Variants in SLC6A11 observed in about 807,000 individuals in gnomAD.
SLC6A11 encodes the protein sodium- and chloride-dependent GABA transporter 3.
A neutral mutation model predicts 74.8 loss-of-function variants in SLC6A11; 25 were observed. That is an observed-to-expected ratio of 0.33 (90% CI 0.24 to 0.47). SLC6A11 has a LOEUF of 0.47. Among genes scored for constraint, SLC6A11 ranks in the 20% least tolerant of loss-of-function variants. The pLI, the probability that SLC6A11 is intolerant of heterozygous loss-of-function variation, is 1.00. For missense variants in SLC6A11, 574 were observed against 837.0 expected, an observed-to-expected ratio of 0.69 and a Z score of 3.88; for synonymous variants, 330 against 330.2, an observed-to-expected ratio of 1.00 and a Z score of 0.01.
At chr3:10,826,662 T>C (rs1327480396) in intron 4 of SLC6A11, among the ~76,000 whole-genome samples, 1 of 152,210 alleles carries the variant, frequency 6.6e-6, no homozygotes, top group Non-Finnish European at 1.5e-5. Context: ...CCTCAGTTAA[T>C]ATTTATAAAC....
rs372438640 is a variant in SLC6A11 at position 10,895,354 on chromosome 3, CTTATT to C, written c.892-16729_892-16725del. Among the ~76,000 whole-genome samples, 827 of 151,714 alleles carry C rather than the reference CTTATT, an allele frequency of 5.5e-3. 8 individuals carry two copies. The highest frequency in any genetic ancestry group is 0.016 in the African/African-American group (649 of 41,364). ...GAACTTGGTACTTTTTTTTTCTAAT[CTTATT>C]TTATTTAAGTTACAGGATATATGTG... On this transcript the variant is annotated intron_variant, in intron 6 of 13. Transcript: ENST00000254488.
intron 6 of SLC6A11, among the ~76,000 whole-genome samples, chr3:10,888,965 G>A (rs910763149): frequency 7.9e-5 from 12 of 152,182 alleles, no homozygotes; most frequent in African/African-American, 2.2e-4. Context: ...TGGGGTGGAG[G>A]TTGGGTGGGG....
At chr3:10,917,923 A>G (rs139269487) in intron 7 of SLC6A11, among the ~76,000 whole-genome samples, 1 of 152,022 alleles carries the variant, frequency 6.6e-6, no homozygotes, top group South Asian at 2.1e-4. Flanking sequence ...AGAAGCCCCC[A>G]TTTCTCCCAT....
intron 4 of SLC6A11, among the ~76,000 whole-genome samples, chr3:10,839,529 C>T (rs1021039155): frequency 1.3e-5 from 2 of 152,220 alleles, no homozygotes; most frequent in South Asian, 2.1e-4. Flanking sequence ...TCTGCCCACT[C>T]CTTCCCTGCT....
Position 10,870,291 on chromosome 3 carries a change from C to A in SLC6A11, c.757-4670C>A, listed in dbSNP as rs73812306. Among the ~76,000 whole-genome samples the A allele has an allele frequency of 7.4e-3, 1,128 of 152,316 alleles. 15 individuals are homozygous for A. The highest frequency in any genetic ancestry group is 0.026 in the African/African-American group (1,079 of 41,566). ...TGTGCATAAATTCCTTCCTCAAGGACTAGACCTAGGTCTTACCATTCTGTT... is the reference window on the plus strand; with the variant it reads ...TGTGCATAAATTCCTTCCTCAAGGAATAGACCTAGGTCTTACCATTCTGTT... On this transcript the variant is annotated intron_variant, in intron 5 of 13. Transcript: ENST00000254488.
In SLC6A11 at chr3:10,844,288, T is replaced by C. The variant is rs1227779107; in HGVS notation, c.698T>C (p.Leu233Ser). The C allele has an allele frequency of 1.2e-6, 2 of 1,614,214 alleles. No individual in the cohort carries two copies. Among genetic ancestry groups the C allele is most frequent in the South Asian group, 2.2e-5 (2 of 91,076 alleles). Residue 233 changes from leucine to serine, a missense_variant, in exon 5 of 14, where the codon TTG (leucine) becomes TCG (serine). Physicochemically the swap from Leu to Ser is moderately radical, Grantham distance 145 (BLOSUM62 -2). Around this residue, in one of 4 missense-constraint regions of SLC6A11, gnomAD observed 215 missense variants for 357.9 expected, o/e 0.60. Coordinates refer to ENST00000254488, the MANE Select transcript of SLC6A11 (RefSeq NM_014229.3). ...CGCTGGGAGCTGGCCTTGTGTCTCT[T>C]GGCAGCCTGGACCATCTGTTACTTC... ...NLRWELALCLLAAWTICYFCI... is the reference protein window; with the variant it reads ...NLRWELALCLSAAWTICYFCI...
chr3:10,873,598 TC>T (rs1694864126), intron 5 of SLC6A11, among the ~76,000 whole-genome samples: 1 of 139,994 alleles, frequency 7.1e-6, no homozygotes, highest in Non-Finnish European at 1.5e-5. Flanking sequence ...TCCTATCCTA[TC>T]CTATCCTATG....
intron 4 of SLC6A11, among the ~76,000 whole-genome samples, chr3:10,832,778 C>T (rs888191895): frequency 1.3e-5 from 2 of 152,212 alleles, no homozygotes; most frequent in African/African-American, 4.8e-5. Context: ...CCGTCAGTTC[C>T]CTTTCATAGA....
intron 6 of SLC6A11, among the ~76,000 whole-genome samples, chr3:10,887,480 C>G (rs1484976951): frequency 2.0e-5 from 3 of 152,198 alleles, no homozygotes; most frequent in Non-Finnish European, 4.4e-5. Flanking sequence ...GAGTCTCACT[C>G]TGTCACCCAG....
chr3:10,934,442 G>A (rs1001759358), intron 12 of SLC6A11, among the ~76,000 whole-genome samples: 2 of 152,190 alleles, frequency 1.3e-5, no homozygotes, highest in South Asian at 2.1e-4. Context: ...TCGGGCGCTG[G>A]ATCCGCCTCA....
chr3:10,938,012 G>A (rs1695778276), intron 13 of SLC6A11, among the ~76,000 whole-genome samples: 1 of 152,120 alleles, frequency 6.6e-6, no homozygotes, highest in Non-Finnish European at 1.5e-5. Context: ...CCTTACTCTT[G>A]ACCTAATGCC....
chr3:10,902,086 C>CTG lies in SLC6A11; in HGVS notation c.892-9985_892-9984dup, dbSNP rs3836462. The stretch of plus-strand genomic sequence containing the variant: ...TGCGTGTGTCTGTGTGTGTGTGGGT[C>CTG]TGTGTGTGTGTGTGTGTGTGGTAGC... On this transcript the variant is annotated intron_variant, in intron 6 of 13. Transcript: ENST00000254488. 7.3e-3 allele frequency among the ~76,000 whole-genome samples: 1,092 copies of CTG among 150,462 alleles called. 12 individuals carry two copies. Among genetic ancestry groups the CTG allele is most frequent in the African/African-American group, 0.023 (939 of 41,132 alleles).
intron 5 of SLC6A11, among the ~76,000 whole-genome samples, chr3:10,869,077 AATATGT>A (rs1236271433): frequency 2.0e-5 from 3 of 152,216 alleles, no homozygotes; most frequent in Admixed American, 6.5e-5. Context: ...CTGTCCAACA[AATATGT>A]ATTGAGCACA....
At chr3:10,878,151 C>A (rs147350192) in intron 6 of SLC6A11, among the ~76,000 whole-genome samples, 44 of 152,280 alleles carry the variant, frequency 2.9e-4, no homozygotes, top group Admixed American at 2.5e-3. Context: ...TCCTGGGATT[C>A]CCTGTGGTCT....
At chr3:10,865,595 G>A (rs1201216331) in intron 5 of SLC6A11, among the ~76,000 whole-genome samples, 1 of 151,808 alleles carries the variant, frequency 6.6e-6, no homozygotes, top group African/African-American at 2.4e-5. Context: ...TCCAGGAGGT[G>A]GAGGCTGCAG....
intron 10 of SLC6A11, among the ~76,000 whole-genome samples, chr3:10,932,336 G>A (rs1291370960): frequency 6.6e-6 from 1 of 152,134 alleles, no homozygotes; most frequent in Admixed American, 6.5e-5. Flanking sequence ...CCCTGGGCCA[G>A]AAACTGGGAC....
intron 5 of SLC6A11, among the ~76,000 whole-genome samples, chr3:10,860,704 A>G (rs1249592808): frequency 6.6e-6 from 1 of 152,240 alleles, no homozygotes; most frequent in Non-Finnish European, 1.5e-5. Context: ...CAGCTTATGC[A>G]TTCCTCCCTG....
At chr3:10,891,904 A>C (rs979125485) in intron 6 of SLC6A11, among the ~76,000 whole-genome samples, 2 of 152,248 alleles carry the variant, frequency 1.3e-5, no homozygotes, top group Admixed American at 6.5e-5. Context: ...TGTCCACCTC[A>C]AATGGCTGTG....
chr3:10,910,945 C>G (rs903410438), intron 6 of SLC6A11, among the ~76,000 whole-genome samples: 1 of 151,854 alleles, frequency 6.6e-6, no homozygotes, highest in Non-Finnish European at 1.5e-5. Flanking sequence ...CCTCAGCCTC[C>G]CACGTAGCTG....
Sources: allele counts gnomAD v4.1 joint callset (sites outside exome capture counted in the v4.1 genomes callset), GRCh38; gene constraint gnomAD v4.1.1; regional missense constraint gnomAD v4.1.1; transcripts MANE v1.5; gene names NCBI Gene and HGNC (gene_info 2026-07-23, HGNC 2026-07-21).